ABTB3: variants seen among roughly 807,000 people sequenced by gnomAD.
ABTB3 encodes ankyrin repeat- and BTB/POZ domain-containing protein 3.
At chr12:107,609,117 CAG>C in the ABTB3 span, among the ~76,000 whole-genome samples, 2 of 152,162 alleles carry the variant, frequency 1.3e-5, no homozygotes, top group Non-Finnish European at 2.9e-5. Flanking sequence ...TGTTCTGTAA[CAG>C]TGCGTGCCTC....
At chr12:107,540,487 G>GACTA in the ABTB3 span, among the ~76,000 whole-genome samples, 10 of 152,060 alleles carry the variant, frequency 6.6e-5, no homozygotes, top group Middle Eastern at 3.4e-3. Context: ...ATGCATTACC[G>GACTA]GCTATCTAGG....
the ABTB3 span, among the ~76,000 whole-genome samples, chr12:107,451,484 T>C: frequency 6.6e-6 from 1 of 152,178 alleles, no homozygotes; most frequent in Non-Finnish European, 1.5e-5. Flanking sequence ...TCCCCTCTAA[T>C]TCATCCTGTG....
At chr12:107,421,400 G>C in the ABTB3 span, among the ~76,000 whole-genome samples, 2 of 152,320 alleles carry the variant, frequency 1.3e-5, no homozygotes, top group South Asian at 4.1e-4. Flanking sequence ...GGCAAGTACT[G>C]ACCAGATAAT....
At chr12:107,544,072 C>T in the ABTB3 span, 4 of 1,614,104 alleles carry the variant, frequency 2.5e-6, no homozygotes, top group Non-Finnish European at 3.4e-6. Context: ...CTATTTCATG[C>T]ACTGCCCACA....
the ABTB3 span, among the ~76,000 whole-genome samples, chr12:107,369,192 A>G: frequency 7.2e-5 from 11 of 152,072 alleles, no homozygotes; most frequent in Non-Finnish European, 1.6e-4. Context: ...TCACAAAGGT[A>G]TTGTTTCACT....
the ABTB3 span, chr12:107,319,190 G>A: frequency 5.0e-6 from 8 of 1,595,596 alleles, no homozygotes; most frequent in South Asian, 7.8e-5. Flanking sequence ...GGACTGCGCC[G>A]GCCAGCACTG....
chr12:107,483,531 C>A, the ABTB3 span, among the ~76,000 whole-genome samples: 1 of 152,142 alleles, frequency 6.6e-6, no homozygotes, highest in Non-Finnish European at 1.5e-5. Context: ...GCCTTTTTCC[C>A]TTCAGTCCCC....
chr12:107,444,482 C>T, the ABTB3 span, among the ~76,000 whole-genome samples: 11 of 152,148 alleles, frequency 7.2e-5, no homozygotes, highest in African/African-American at 2.2e-4. Context: ...GAAAAAAGAT[C>T]GTCAAATTTA....
At chr12:107,581,427 G>A in the ABTB3 span, 3 of 776,382 alleles carry the variant, frequency 3.9e-6, no homozygotes, top group African/African-American at 5.6e-5. Flanking sequence ...GCGCTGGGGT[G>A]GAGGCTCCCT....
At chr12:107,357,464 A>G in the ABTB3 span, among the ~76,000 whole-genome samples, 1 of 152,152 alleles carries the variant, frequency 6.6e-6, no homozygotes, top group South Asian at 2.1e-4. Context: ...AAAAAAAATT[A>G]GCTGCTTGTG....
the ABTB3 span, among the ~76,000 whole-genome samples, chr12:107,591,101 T>A: frequency 6.6e-6 from 1 of 152,238 alleles, no homozygotes; most frequent in African/African-American, 2.4e-5. Flanking sequence ...AAAAAGCTCA[T>A]AGACATCACA....
the ABTB3 span, among the ~76,000 whole-genome samples, chr12:107,502,925 C>T: frequency 1.3e-5 from 2 of 152,252 alleles, no homozygotes; most frequent in South Asian, 4.2e-4. Flanking sequence ...GGCTGGGGAC[C>T]GCTATTTTAA....
At chr12:107,504,651 A>G in the ABTB3 span, among the ~76,000 whole-genome samples, 11 of 152,340 alleles carry the variant, frequency 7.2e-5, no homozygotes, top group Non-Finnish European at 1.5e-4. Flanking sequence ...GACTTTCATT[A>G]TGAATATAAA....
At chr12:107,542,824 G>A in the ABTB3 span, among the ~76,000 whole-genome samples, 1 of 152,220 alleles carries the variant, frequency 6.6e-6, no homozygotes, top group African/African-American at 2.4e-5. Flanking sequence ...AAGAGAAAAT[G>A]TACTTACTAT....
At chr12:107,596,996 C>A in the ABTB3 span, among the ~76,000 whole-genome samples, 6 of 152,238 alleles carry the variant, frequency 3.9e-5, no homozygotes, top group African/African-American at 1.4e-4. Flanking sequence ...ACACCTGCAA[C>A]CCTGGTGCAT....
the ABTB3 span, among the ~76,000 whole-genome samples, chr12:107,448,281 A>G: frequency 2.0e-5 from 3 of 152,160 alleles, no homozygotes; most frequent in African/African-American, 7.2e-5. Context: ...TAAGGTGTGT[A>G]ATTATGGTGG....
chr12:107,561,517 T>A, the ABTB3 span, among the ~76,000 whole-genome samples: 4 of 152,300 alleles, frequency 2.6e-5, no homozygotes, highest in South Asian at 8.3e-4. Flanking sequence ...AGTATAATTA[T>A]AATTTAAAAA....
At chr12:107,480,870 C>G in the ABTB3 span, among the ~76,000 whole-genome samples, 1 of 152,238 alleles carries the variant, frequency 6.6e-6, no homozygotes, top group East Asian at 1.9e-4. Flanking sequence ...AGGAACACTG[C>G]CTGCATTACA....
the ABTB3 span, among the ~76,000 whole-genome samples, chr12:107,426,633 C>T: frequency 2.6e-5 from 4 of 152,188 alleles, no homozygotes. Context: ...TTGGCATGCA[C>T]TGGCCTTGCT....
Sources: allele counts gnomAD v4.1 joint callset (sites outside exome capture counted in the v4.1 genomes callset), GRCh38; gene constraint gnomAD v4.1.1; transcripts MANE v1.5; gene names NCBI Gene and HGNC (gene_info 2026-07-23, HGNC 2026-07-21).